Variants in DIP2C observed in about 807,000 individuals in gnomAD.
The protein encoded by DIP2C is disco-interacting protein 2 homolog C.
DIP2C carries 33 observed loss-of-function variants against 192.4 expected under a neutral mutation model. The ratio of observed to expected loss-of-function variants is 0.17; its 90% CI spans 0.13 to 0.23. The LOEUF (loss-of-function observed/expected upper bound fraction) is 0.23. DIP2C is among the 10% of genes least tolerant of loss of function. DIP2C has a pLI of 1.00. For synonymous variants in DIP2C, 979 were observed against 864.1 expected (o/e 1.13, Z -2.33); for missense variants, 1,537 against 2,110.1 (o/e 0.73, Z 5.32).
rs112687155 is a variant in DIP2C at position 679,337 on chromosome 10, A to C, written c.85+10157T>G. On this transcript the variant is annotated intron_variant, in intron 1 of 36. Transcript: ENST00000280886. ...CCCCGCACCCATCCTCCCTGCGCCC[A>C]TGCTCCCCACACCCATCCTCTTCGC... Among the ~76,000 whole-genome samples, 14 of 8,328 alleles carry C rather than the reference A, an allele frequency of 1.7e-3. 3 individuals carry two copies. The highest frequency in any genetic ancestry group is 2.9e-3 in the African/African-American group (13 of 4,554). The allele number at this position is 8,328 out of a possible 152,430, so 5.5% of individuals were successfully genotyped here.
chr10:395,097 G>C (rs961903032), intron 10 of DIP2C, among the ~76,000 whole-genome samples: 2 of 115,516 alleles, frequency 1.7e-5, no homozygotes, highest in East Asian at 2.9e-4. Context: ...CACGAGGGCT[G>C]GGGGGGAGGG....
intron 8 of DIP2C, among the ~76,000 whole-genome samples, chr10:411,628 C>T (rs561787868): frequency 2.9e-4 from 44 of 152,226 alleles, no homozygotes; most frequent in African/African-American, 9.9e-4. Context: ...CCAAATTACT[C>T]AGTATTAGAA....
chr10:317,843 C>G (rs1362749377), intron 31 of DIP2C, among the ~76,000 whole-genome samples: 1 of 152,238 alleles, frequency 6.6e-6, no homozygotes, highest in Admixed American at 6.5e-5. Context: ...CATCCAAAAA[C>G]ACTGGTAGAA....
At position 532,730 on chromosome 10, in the gene DIP2C, TATGGGTGTGAGA is replaced by T. The variant is rs1564824915; in HGVS notation, c.86-46212_86-46201del. 4.4e-3 allele frequency among the ~76,000 whole-genome samples: 486 copies of T among 110,778 alleles called. 62 individuals carry two copies. Among genetic ancestry groups the T allele is most frequent in the Non-Finnish European group, 5.6e-3 (257 of 46,124 alleles). The allele number at this position is 110,778 out of a possible 152,430, so 72.7% of individuals were successfully genotyped here. A position where few individuals can be genotyped will look rare whatever the true frequency, so the allele number is the denominator to read the frequency against. On this transcript the variant is annotated intron_variant, in intron 1 of 36. Coordinates refer to ENST00000280886, the MANE Select transcript of DIP2C (RefSeq NM_014974.3). ...GAGAGAGTATGGGTGTGAGAGAGAG[TATGGGTGTGAGA>T]GAGAGTATGGGTGTGTGAGAGAGTA...
At chr10:508,203 T>C (rs537954285) in intron 1 of DIP2C, among the ~76,000 whole-genome samples, 141 of 152,220 alleles carry the variant, frequency 9.3e-4, no homozygotes, top group Middle Eastern at 6.8e-3. Flanking sequence ...CATTCCAGGC[T>C]GAAAATCTCT....
chr10:391,467 T>C (rs992761645), intron 10 of DIP2C, among the ~76,000 whole-genome samples: 1 of 152,178 alleles, frequency 6.6e-6, no homozygotes, highest in African/African-American at 2.4e-5. Flanking sequence ...AGACACCAGA[T>C]ACAGGTGGCT....
intron 4 of DIP2C, chr10:437,527 T>C (rs1424346100): frequency 6.6e-6 from 1 of 152,302 alleles, no homozygotes; most frequent in Non-Finnish European, 1.5e-5. Context: ...AGAGGGCAAA[T>C]GTACTGTCTG....
intron 4 of DIP2C, among the ~76,000 whole-genome samples, chr10:434,486 T>C (rs1477277692): frequency 1.3e-5 from 2 of 152,202 alleles, no homozygotes; most frequent in Non-Finnish European, 2.9e-5. Flanking sequence ...TTGCCCAGGC[T>C]GGTCTCAAAT....
chr10:335,246 G>C (rs1420922699), intron 29 of DIP2C, among the ~76,000 whole-genome samples: 1 of 152,166 alleles, frequency 6.6e-6, no homozygotes, highest in African/African-American at 2.4e-5. Context: ...CAAAGTTATA[G>C]AAAATGTACA....
intron 4 of DIP2C, among the ~76,000 whole-genome samples, chr10:438,237 AAT>A (rs1967428337): frequency 1.3e-5 from 2 of 152,378 alleles, no homozygotes; most frequent in South Asian, 4.1e-4. Context: ...GGTTGGATTC[AAT>A]ATGAGAAATA....
intron 1 of DIP2C, chr10:667,996 ATAC>A (rs1857206922): frequency 6.6e-6 from 1 of 152,134 alleles, no homozygotes; most frequent in Non-Finnish European, 1.5e-5. Context: ...TACAACACTC[ATAC>A]AACACAACAC....
intron 1 of DIP2C, among the ~76,000 whole-genome samples, chr10:675,791 C>T (rs1172638449): frequency 6.6e-6 from 1 of 152,052 alleles, no homozygotes; most frequent in Non-Finnish European, 1.5e-5. Flanking sequence ...AAAAGTCTCC[C>T]AACAAAGAAA....
intron 19 of DIP2C, among the ~76,000 whole-genome samples, 159 bp downstream of exon 19, chr10:366,116 A>T (rs1164505351): frequency 6.6e-6 from 1 of 152,272 alleles, no homozygotes; most frequent in African/African-American, 2.4e-5. Context: ...AAATTTATCA[A>T]AAGCGATAAA....
At chr10:610,612 G>A (rs1853028173) in intron 1 of DIP2C, among the ~76,000 whole-genome samples, 1 of 152,208 alleles carries the variant, frequency 6.6e-6, no homozygotes, top group Admixed American at 6.5e-5. Flanking sequence ...AGAATCGTTT[G>A]CGAAGCAAGT....
chr10:447,194 C>T (rs1968305780), intron 3 of DIP2C, among the ~76,000 whole-genome samples: 1 of 149,860 alleles, frequency 6.7e-6, no homozygotes, highest in African/African-American at 2.5e-5. Context: ...GGATCACACA[C>T]AGTGGAGCAG....
intron 4 of DIP2C, 69 bp downstream of exon 4, chr10:440,802 T>C (rs544306607): frequency 2.6e-6 from 4 of 1,523,438 alleles, no homozygotes; most frequent in African/African-American, 1.4e-5. Context: ...AACCCCTGAT[T>C]GCTGGGCTAG....
chr10:476,492 C>T (rs1334752061), intron 2 of DIP2C, among the ~76,000 whole-genome samples: 3 of 152,218 alleles, frequency 2.0e-5, no homozygotes, highest in South Asian at 4.1e-4. Context: ...CATTCCTCAG[C>T]ACAAAAAGCA....
chr10:383,978 AAG>A (rs113989093), intron 16 of DIP2C, 47 bp downstream of exon 16: 4 of 1,421,150 alleles, frequency 2.8e-6, no homozygotes, highest in Admixed American at 3.0e-5. Flanking sequence ...AAAAAAAAAA[AAG>A]ACTCCACAGC....
chr10:598,699 C>T (rs1446310998), intron 1 of DIP2C, among the ~76,000 whole-genome samples: 1 of 152,202 alleles, frequency 6.6e-6, no homozygotes, highest in Admixed American at 6.5e-5. Context: ...AGAGAAAATC[C>T]ACACCGTGGC....
Sources: allele counts gnomAD v4.1 joint callset (sites outside exome capture counted in the v4.1 genomes callset), GRCh38; gene constraint gnomAD v4.1.1; transcripts MANE v1.5; gene names NCBI Gene and HGNC (gene_info 2026-07-23, HGNC 2026-07-21).